The following RBFOX2 variants were observed in gnomAD, a reference collection of about 807,000 sequenced individuals.
RBFOX2 encodes the protein RNA binding protein fox-1 homolog 2.
A neutral mutation model predicts 49.1 loss-of-function variants in RBFOX2; 10 were observed. The observed-to-expected ratio is 0.20, with a 90% confidence interval of 0.13 to 0.35. The LOEUF is 0.35. Ranked by LOEUF, RBFOX2 falls within the 10% of genes least tolerant of loss-of-function variation. The pLI, the probability that RBFOX2 is intolerant of heterozygous loss-of-function variation, is 1.00. For missense variants in RBFOX2, 323 were observed against 486.9 expected (o/e 0.66, Z 3.17); for synonymous variants, 183 against 187.4 (o/e 0.98, Z 0.19).
At chr22:35,902,112 T>G (rs6000030) in intron 1 of RBFOX2, among the ~76,000 whole-genome samples, 20,141 of 151,942 alleles carry the variant, frequency 0.13, 2,868 homozygotes, top group African/African-American at 0.36. Flanking sequence ...TGCATCATCT[T>G]AAAAGACCCA....
intron 1 of RBFOX2, among the ~76,000 whole-genome samples, chr22:35,813,387 T>C (rs956897477): frequency 4.6e-5 from 7 of 152,214 alleles, no homozygotes; most frequent in Non-Finnish European, 1.0e-4. Context: ...TTTACCTCTA[T>C]ACTTATATAA....
intron 1 of RBFOX2, among the ~76,000 whole-genome samples, chr22:35,945,425 CTGGCT>C (rs1039995332): frequency 1.3e-5 from 2 of 152,186 alleles, no homozygotes; most frequent in African/African-American, 4.8e-5. Context: ...ACAAATCTCT[CTGGCT>C]TGAGAAAAAA....
chr22:35,846,308 A>G (rs2041192641), intron 1 of RBFOX2, among the ~76,000 whole-genome samples: 2 of 145,900 alleles, frequency 1.4e-5, no homozygotes, highest in Non-Finnish European at 1.5e-5. Flanking sequence ...TATAAACTAT[A>G]TAAGTAAATA....
intron 1 of RBFOX2, among the ~76,000 whole-genome samples, chr22:35,857,107 G>GCAAAT (rs1442049988): frequency 6.6e-6 from 1 of 152,186 alleles, no homozygotes; most frequent in African/African-American, 2.4e-5. Context: ...CTTGACTATG[G>GCAAAT]GTAGGTGGTG....
At chr22:36,013,596 A>G (rs192736756) in intron 1 of RBFOX2, among the ~76,000 whole-genome samples, 9 of 151,876 alleles carry the variant, frequency 5.9e-5, no homozygotes, top group African/African-American at 2.2e-4. Flanking sequence ...ATAATCTCAG[A>G]GTGGTAAAAC....
chr22:36,016,345 A>T (rs1345041828), intron 1 of RBFOX2, among the ~76,000 whole-genome samples: 1 of 152,098 alleles, frequency 6.6e-6, no homozygotes. Flanking sequence ...TTTTACTCAC[A>T]TAGCTTCTGC....
At chr22:35,830,747 T>C (rs1015572997) in intron 1 of RBFOX2, among the ~76,000 whole-genome samples, 3 of 152,188 alleles carry the variant, frequency 2.0e-5, no homozygotes, top group East Asian at 1.9e-4. Flanking sequence ...CAGTCTGTCG[T>C]TGACCCAAAT....
At chr22:35,803,748 A>C (rs781705787) in intron 2 of RBFOX2, among the ~76,000 whole-genome samples, 6 of 152,162 alleles carry the variant, frequency 3.9e-5, no homozygotes, top group Non-Finnish European at 7.3e-5. Context: ...TGGAAATTCC[A>C]GAGTTGAAAA....
chr22:35,746,906 C>T (rs935387446), intron 9 of RBFOX2: 41 of 199,176 alleles, frequency 2.1e-4, no homozygotes, highest in Non-Finnish European at 3.0e-4. Context: ...AAAATATTTA[C>T]AGCAAGTTGG....
chr22:35,788,048 T>C (rs948962304), intron 2 of RBFOX2, among the ~76,000 whole-genome samples: 1 of 152,204 alleles, frequency 6.6e-6, no homozygotes, highest in Non-Finnish European at 1.5e-5. Flanking sequence ...AATAGCAAAC[T>C]AGAATTTTAA....
chr22:35,809,831 G>C (rs1428614605), exon 2 of RBFOX2: 1 of 1,613,940 alleles, frequency 6.2e-7, no homozygotes, highest in East Asian at 2.2e-5. Context: ...GCTCCCCGTG[G>C]GCTTGCGTAC....
chr22:35,990,862 G>C lies in RBFOX2; in HGVS notation c.186+37378C>G, dbSNP rs16996250. ...AGATTACACGAGCTTTTAAGGAACAGGGAATTTCACCCAAGGGTATAGGAT... is the reference window on the plus strand; with the variant it reads ...AGATTACACGAGCTTTTAAGGAACACGGAATTTCACCCAAGGGTATAGGAT... On this transcript the variant is annotated intron_variant, in intron 1 of 13. Transcript: ENST00000438146. 3.2e-3 allele frequency among the ~76,000 whole-genome samples: 481 copies of C among 152,320 alleles called. 8 individuals are homozygous for C. The highest frequency in any genetic ancestry group is 0.021 in the Admixed American group (327 of 15,288).
intron 1 of RBFOX2, among the ~76,000 whole-genome samples, chr22:35,836,123 T>C (rs1045099282): frequency 6.6e-6 from 1 of 152,038 alleles, no homozygotes; most frequent in Non-Finnish European, 1.5e-5. Context: ...CAAGGGAGCA[T>C]GACTGGCAGG....
upstream of RBFOX2, among the ~76,000 whole-genome samples, chr22:35,841,005 A>G (rs1958671320): frequency 6.6e-6 from 1 of 152,184 alleles, no homozygotes; most frequent in African/African-American, 2.4e-5. Context: ...AGTGAGAGCA[A>G]AGGACTAAAA....
At chr22:36,022,636 T>G (rs1220081660) in intron 1 of RBFOX2, among the ~76,000 whole-genome samples, 1 of 152,236 alleles carries the variant, frequency 6.6e-6, no homozygotes, top group African/African-American at 2.4e-5. Context: ...AGGCTTAATG[T>G]CTGTGTCCCT....
At chr22:35,806,094 G>A (rs9610354) in intron 2 of RBFOX2, among the ~76,000 whole-genome samples, 20,074 of 152,032 alleles carry the variant, frequency 0.13, 1,778 homozygotes, top group East Asian at 0.19. Flanking sequence ...CCCACAGAAC[G>A]TACACCAGTA....
intron 1 of RBFOX2, chr22:35,961,463 C>G (rs1356371532): frequency 8.1e-7 from 1 of 1,237,338 alleles, no homozygotes; most frequent in Non-Finnish European, 1.1e-6. Context: ...CACGACCGAC[C>G]TCTCTGCTTG....
intron 1 of RBFOX2, among the ~76,000 whole-genome samples, chr22:35,884,000 CTTTTT>C (rs34644201): frequency 3.2e-5 from 2 of 62,686 alleles, no homozygotes; most frequent in Non-Finnish European, 5.6e-5. Context: ...GTAGTTATCT[CTTTTT>C]TTTTTTTTTT....
rs1259422253 is a variant in RBFOX2 at position 35,977,761 on chromosome 22, T to TATATATATAC, written c.187-38865_187-38864insGTATATATAT. 2.2e-3 allele frequency among the ~76,000 whole-genome samples: 199 copies of TATATATATAC among 90,918 alleles called. 4 individuals are homozygous for TATATATATAC. Among genetic ancestry groups the TATATATATAC allele is most frequent in the East Asian group, 6.4e-3 (18 of 2,808 alleles). 59.6% of individuals were successfully genotyped at this position (90,918 alleles called of 152,430 possible). A position where few individuals can be genotyped will look rare whatever the true frequency, so the allele number is the denominator to read the frequency against. On this transcript the variant is annotated intron_variant, in intron 1 of 13. Transcript: ENST00000438146. ...ATATATATATATATATATATATATA[T>TATATATATAC]ACATGCACACACACACATATACATA... is the stretch of plus-strand genomic sequence containing the variant.
Sources: gnomAD v4.1 joint callset for allele counts (sites outside exome capture counted in the v4.1 genomes callset) on GRCh38, gnomAD v4.1.1 for gene constraint, MANE v1.5 for transcripts, NCBI Gene and HGNC (gene_info 2026-07-23, HGNC 2026-07-21) for gene names.